SHQ1: variants seen among roughly 807,000 people sequenced by gnomAD.
The protein encoded by SHQ1 is protein SHQ1 homolog.
In SHQ1, 49 loss-of-function variants were observed where a neutral mutation model predicts 53.8. The ratio of observed to expected loss-of-function variants is 0.91; its 90% CI spans 0.72 to 1.16. The LOEUF is 1.16. SHQ1 is among the 50% of genes most tolerant of loss of function. SHQ1 has a pLI of 0.00. For missense variants in SHQ1, 738 were observed against 683.1 expected, an observed-to-expected ratio of 1.08 and a Z score of -0.90; for synonymous variants, 243 against 251.0, an observed-to-expected ratio of 0.97 and a Z score of 0.30.
chr3:72,821,393 A>G (rs773747737), intron 6 of SHQ1, among the ~76,000 whole-genome samples: 7 of 152,234 alleles, frequency 4.6e-5, no homozygotes, highest in Non-Finnish European at 8.8e-5. Context: ...GCTCAGGGGA[A>G]GCACGGCGTT....
Position 72,846,381 on chromosome 3 carries a change from G to GC in SHQ1, c.143+1816dup, listed in dbSNP as rs1029856520. The stretch of plus-strand genomic sequence containing the variant: ...GCAATCTTGGCTCACTGCAACCTTC[G>GC]CCCCCCAGGTTCAAGCGATTCTCTC... On this transcript the variant is annotated intron_variant, in intron 1 of 10. Transcript: ENST00000325599. The GC allele has an allele frequency of 1.2e-4, 170 of 1,380,952 alleles. 1 individual carries two copies. Among genetic ancestry groups the GC allele is most frequent in the Middle Eastern group, 2.6e-4 (1 of 3,884 alleles). The allele number at this position is 1,380,952 out of a possible 1,614,324, so 85.5% of individuals were successfully genotyped here.
chr3:72,762,066 CAT>C (rs1559661243), intron 10 of SHQ1, among the ~76,000 whole-genome samples: 1 of 152,162 alleles, frequency 6.6e-6, no homozygotes, highest in Non-Finnish European at 1.5e-5. Context: ...TACATACATA[CAT>C]GTGCCCACAA....
At chr3:72,733,386 G>T in the SHQ1 span, among the ~76,000 whole-genome samples, 1 of 151,536 alleles carries the variant, frequency 6.6e-6, no homozygotes, top group African/African-American at 2.4e-5. Context: ...TCTCTATGAT[G>T]TGCTAGGCAC....
the SHQ1 span, among the ~76,000 whole-genome samples, chr3:72,738,901 GC>G: frequency 6.7e-6 from 1 of 148,840 alleles, no homozygotes; most frequent in South Asian, 2.3e-4. Context: ...ACCCCGCCCC[GC>G]CCCGCGACGC....
At chr3:72,734,901 A>G in the SHQ1 span, among the ~76,000 whole-genome samples, 1 of 151,566 alleles carries the variant, frequency 6.6e-6, no homozygotes, top group Non-Finnish European at 1.5e-5. Flanking sequence ...CTCATCCTAG[A>G]GACAACATTT....
intron 10 of SHQ1, among the ~76,000 whole-genome samples, chr3:72,784,165 TAAAA>T (rs74266966): frequency 5.5e-5 from 8 of 145,618 alleles, no homozygotes; most frequent in Non-Finnish European, 1.1e-4. Flanking sequence ...AATTACAAAT[TAAAA>T]AAAAAAAGAA....
intron 6 of SHQ1, among the ~76,000 whole-genome samples, chr3:72,823,003 G>A (rs1261183986): frequency 2.6e-5 from 4 of 152,002 alleles, no homozygotes; most frequent in African/African-American, 9.7e-5. Context: ...CAAAAAATTA[G>A]CCAGGCGCGG....
At chr3:72,822,413 T>G (rs1464577335) in intron 6 of SHQ1, among the ~76,000 whole-genome samples, 1 of 152,178 alleles carries the variant, frequency 6.6e-6, no homozygotes, top group African/African-American at 2.4e-5. Context: ...CTTGATCTCC[T>G]GCTAAAATTA....
chr3:72,739,023 G>A, the SHQ1 span, among the ~76,000 whole-genome samples: 7 of 152,336 alleles, frequency 4.6e-5, no homozygotes, highest in African/African-American at 1.4e-4. Context: ...GGACGATGCC[G>A]CGGATTAGCG....
At chr3:72,808,456 C>T (rs1707020941) in intron 9 of SHQ1, among the ~76,000 whole-genome samples, 2 of 152,160 alleles carry the variant, frequency 1.3e-5, no homozygotes, top group African/African-American at 4.8e-5. Flanking sequence ...AATCTAGGCT[C>T]TCCCACCTAC....
chr3:72,767,082 G>C (rs771008454), intron 10 of SHQ1, among the ~76,000 whole-genome samples: 2 of 152,118 alleles, frequency 1.3e-5, no homozygotes, highest in African/African-American at 2.4e-5. Flanking sequence ...AGACTTTAGC[G>C]GCATAGGTAC....
chr3:72,820,555 A>T (rs996269956), intron 6 of SHQ1, among the ~76,000 whole-genome samples: 1 of 152,150 alleles, frequency 6.6e-6, no homozygotes, highest in Non-Finnish European at 1.5e-5. Context: ...AAATCATATC[A>T]CCCAAAGGGG....
chr3:72,847,860 C>A (rs1004908947), intron 1 of SHQ1, among the ~76,000 whole-genome samples: 2 of 151,994 alleles, frequency 1.3e-5, no homozygotes, highest in East Asian at 3.9e-4. Context: ...GGAGAGCAAA[C>A]GCGGAGTGAA....
intron 9 of SHQ1, among the ~76,000 whole-genome samples, chr3:72,801,475 G>T (rs569032242): frequency 6.6e-6 from 1 of 152,118 alleles, no homozygotes; most frequent in South Asian, 2.1e-4. Flanking sequence ...TTGGAAAGAA[G>T]AAATAGGAGT....
intron 5 of SHQ1, among the ~76,000 whole-genome samples, chr3:72,826,011 A>T (rs1048387363): frequency 6.6e-6 from 1 of 152,210 alleles, no homozygotes; most frequent in Non-Finnish European, 1.5e-5. Context: ...TTACAAAGGT[A>T]GAAACTGAGG....
rs749525383 is a variant in SHQ1 at position 72,812,718 on chromosome 3, T to C, written c.1013A>G (p.Lys338Arg). 43 of 1,614,028 alleles carry C rather than the reference T, an allele frequency of 2.7e-5. No homozygotes were observed. In the Middle Eastern group the frequency reaches 8.2e-4, roughly 31 times the overall value. The change falls in exon 9 of 11, where the codon AAG (lysine) becomes AGG (arginine). Residue 338 changes from lysine (K) to arginine (R), a missense_variant. Lys to Arg is a conservative substitution (Grantham distance 26). Transcript: ENST00000325599. ...GTCCCTGTAGGCCTTCATCACCAGC[T>C]TGAAATGGCGATAGAGTGGGTAACA... The part of the protein sequence containing the change: ...VLCYPLYRHF[K>R]LVMKAYRDTI...
At chr3:72,800,342 C>T (rs1021606728) in intron 9 of SHQ1, among the ~76,000 whole-genome samples, 9 of 152,148 alleles carry the variant, frequency 5.9e-5, no homozygotes, top group Non-Finnish European at 1.3e-4. Context: ...TAGGAGCTAC[C>T]CACTTGCTCT....
chr3:72,777,728 C>A (rs1216843096), intron 10 of SHQ1, among the ~76,000 whole-genome samples: 1 of 152,156 alleles, frequency 6.6e-6, no homozygotes, highest in Non-Finnish European at 1.5e-5. Flanking sequence ...AAAAGTTGCA[C>A]AAGTACACCA....
intron 5 of SHQ1, among the ~76,000 whole-genome samples, chr3:72,826,999 T>G (rs1469226041): frequency 1.3e-5 from 2 of 152,078 alleles, no homozygotes; most frequent in Non-Finnish European, 2.9e-5. Flanking sequence ...GAAGCAGACA[T>G]AATGGTGGCC....
Sources: allele counts gnomAD v4.1 joint callset (sites outside exome capture counted in the v4.1 genomes callset), GRCh38; gene constraint gnomAD v4.1.1; transcripts MANE v1.5; gene names NCBI Gene and HGNC (gene_info 2026-07-23, HGNC 2026-07-21).